The following SCUBE1 variants were observed in gnomAD, a reference collection of about 807,000 sequenced individuals.
SCUBE1 encodes signal peptide, CUB and EGF-like domain-containing protein 1.
In SCUBE1, 59 loss-of-function variants were observed where a neutral mutation model predicts 124.4. The ratio of observed to expected loss-of-function variants is 0.47; its 90% CI spans 0.38 to 0.59. The LOEUF is 0.59. SCUBE1 is among the 20% of genes least tolerant of loss of function. SCUBE1 has a pLI of 0.00. For synonymous variants in SCUBE1, 545 were observed against 550.9 expected (o/e 0.99, Z 0.15); for missense variants, 1,150 against 1,371.2 (o/e 0.84, Z 2.55).
intron 13 of SCUBE1, 31 bp downstream of exon 13, chr22:43,221,142 G>GT: frequency 6.5e-7 from 1 of 1,550,026 alleles, no homozygotes; most frequent in Middle Eastern, 1.8e-4. Context: ...AGCCCCGTTG[G>GT]TGTGGGTTAG....
chr22:43,284,525 T>C (rs1223341538), intron 4 of SCUBE1, among the ~76,000 whole-genome samples: 1 of 152,230 alleles, frequency 6.6e-6, no homozygotes, highest in African/African-American at 2.4e-5. Flanking sequence ...ATTGCTGCTG[T>C]CTTCACTATC....
intron 4 of SCUBE1, among the ~76,000 whole-genome samples, chr22:43,276,295 G>A: frequency 6.6e-6 from 1 of 152,226 alleles, no homozygotes; most frequent in East Asian, 1.9e-4. Context: ...GCTAGGAGAG[G>A]GCTGAGGCAG....
intron 2 of SCUBE1, among the ~76,000 whole-genome samples, chr22:43,334,310 C>G (rs116410035): frequency 0.012 from 1,814 of 152,310 alleles, 44 homozygotes; most frequent in African/African-American, 0.042. Context: ...TGATAAGCAG[C>G]CATCTGTGAA....
chr22:43,335,916 GTGA>G (rs565391129), intron 2 of SCUBE1, among the ~76,000 whole-genome samples: 275 of 122,798 alleles, frequency 2.2e-3, no homozygotes, highest in Non-Finnish European at 3.8e-3. Context: ...AATGATGATG[GTGA>G]TGATGGTGGT....
intron 19 of SCUBE1, 108 bp from the exon 20 acceptor site, chr22:43,208,332 G>A (rs759581656): frequency 1.9e-6 from 2 of 1,028,994 alleles, no homozygotes; most frequent in Non-Finnish European, 3.0e-6. Flanking sequence ...CCGAACGCCT[G>A]GTCCCCCAAA....
At position 43,199,078 on chromosome 22, in the gene SCUBE1, AGTTT is replaced by A. The variant is rs1384811617; in HGVS notation, c.*4915_*4918del. ...TGTTTGTCTGTCTGCTGTCCGGGGCAGTTTGTTTGTCTGTCTGCTGTCTGGGGCA... is the reference window on the plus strand; with the variant it reads ...TGTTTGTCTGTCTGCTGTCCGGGGCAGTTTGTCTGTCTGCTGTCTGGGGCA... On this transcript the variant is annotated 3_prime_UTR_variant, in exon 22 of 22. Coordinates refer to ENST00000360835, the MANE Select transcript of SCUBE1 (RefSeq NM_173050.5). The A allele has an allele frequency of 3.0e-5, 9 of 297,498 alleles. No homozygotes were observed. Among genetic ancestry groups the A allele is most frequent in the East Asian group, 2.7e-4 (3 of 11,208 alleles). The allele number at this position is 297,498 out of a possible 1,614,324, so 18.4% of individuals were successfully genotyped here.
intron 3 of SCUBE1, among the ~76,000 whole-genome samples, chr22:43,293,871 C>T (rs1427207985): frequency 2.0e-5 from 3 of 152,216 alleles, no homozygotes; most frequent in African/African-American, 7.2e-5. Context: ...TCATCCCTGT[C>T]ACGAGGAAGC....
chr22:43,338,799 A>C (rs1266749097), intron 2 of SCUBE1, among the ~76,000 whole-genome samples: 1 of 152,204 alleles, frequency 6.6e-6, no homozygotes, highest in African/African-American at 2.4e-5. Context: ...CGGTCTCCCA[A>C]AGTGCTGGGA....
intron 7 of SCUBE1, 77 bp downstream of exon 7, chr22:43,238,761 C>A: frequency 8.2e-7 from 1 of 1,212,886 alleles, no homozygotes. Context: ...CAGCCCTGGG[C>A]CCGGCTATGC....
At chr22:43,317,564 T>C (rs1269614357) in intron 3 of SCUBE1, among the ~76,000 whole-genome samples, 1 of 152,208 alleles carries the variant, frequency 6.6e-6, no homozygotes, top group Non-Finnish European at 1.5e-5. Context: ...TCTACGGACA[T>C]GCTCCTGCCA....
chr22:43,319,998 C>T lies in SCUBE1; in HGVS notation c.288G>A (p.Gly96=), dbSNP rs772826268. ...CATCAAAGCAGGTACACCTGTAGTT[C>T]CCCGGGATGTTGATGCACTCGTGGA... ...GCVHECINIP[G]NYRCTCFDGF... The change falls in exon 3 of 22, where the codon GGG becomes GGA. Residue 96 remains glycine (G), a synonymous_variant. Transcript: ENST00000360835. The T allele has an allele frequency of 2.5e-6, 4 of 1,613,960 alleles. No homozygotes were observed. In the African/African-American group the frequency reaches 5.3e-5, roughly 22 times the overall value.
At chr22:43,220,771 T>C (rs1922055852) in intron 13 of SCUBE1, among the ~76,000 whole-genome samples, 184 bp from the exon 14 acceptor site, 1 of 152,086 alleles carries the variant, frequency 6.6e-6, no homozygotes, top group Admixed American at 6.5e-5. Flanking sequence ...CTGAGCCAGG[T>C]CTCACGCCCG....
chr22:43,340,911 T>C (rs1030447289), intron 1 of SCUBE1, among the ~76,000 whole-genome samples: 7 of 152,124 alleles, frequency 4.6e-5, no homozygotes, highest in Non-Finnish European at 1.0e-4. Flanking sequence ...CCCAAGAGTG[T>C]CCACTCTAAA....
chr22:43,271,958 C>T (rs1268762827), intron 4 of SCUBE1, among the ~76,000 whole-genome samples: 7 of 152,136 alleles, frequency 4.6e-5, no homozygotes, highest in Admixed American at 2.6e-4. Flanking sequence ...AGAGACTTGC[C>T]GCCCCAGGTC....
chr22:43,324,338 G>A (rs1316493425), intron 2 of SCUBE1, among the ~76,000 whole-genome samples: 1 of 152,208 alleles, frequency 6.6e-6, no homozygotes, highest in Non-Finnish European at 1.5e-5. Context: ...GGGCTGGAGA[G>A]TGCAGGGATA....
intron 4 of SCUBE1, among the ~76,000 whole-genome samples, chr22:43,284,779 G>GTCA (rs1555886393): frequency 1.3e-5 from 2 of 152,038 alleles, no homozygotes; most frequent in African/African-American, 2.4e-5. Context: ...CGTCGTCGTC[G>GTCA]TCATCATCAT....
chr22:43,248,043 G>C (rs1187431161), intron 6 of SCUBE1, among the ~76,000 whole-genome samples: 1 of 152,246 alleles, frequency 6.6e-6, no homozygotes, highest in African/African-American at 2.4e-5. Flanking sequence ...AGCCTATTCA[G>C]ATTTGTGCCA....
At chr22:43,289,578 T>TA (rs1925277846) in intron 4 of SCUBE1, among the ~76,000 whole-genome samples, 1 of 152,200 alleles carries the variant, frequency 6.6e-6, no homozygotes, top group Non-Finnish European at 1.5e-5. Flanking sequence ...TTTTTAAATG[T>TA]TTTTGCTTTC....
intron 2 of SCUBE1, among the ~76,000 whole-genome samples, chr22:43,322,590 G>A (rs1926595080): frequency 6.6e-6 from 1 of 152,134 alleles, no homozygotes; most frequent in African/African-American, 2.4e-5. Context: ...CTACCTGTCA[G>A]CATGAGTATC....
Sources: gnomAD v4.1 joint callset for allele counts (sites outside exome capture counted in the v4.1 genomes callset) on GRCh38, gnomAD v4.1.1 for gene constraint, MANE v1.5 for transcripts, NCBI Gene and HGNC (gene_info 2026-07-23, HGNC 2026-07-21) for gene names.